Variants in FILIP1 observed in about 807,000 individuals in gnomAD.
The protein encoded by FILIP1 is filamin A interacting protein 1, also known as filamin-A-interacting protein 1.
Under a neutral mutation model 102.1 loss-of-function variants are expected in FILIP1, and 61 were observed. That is an observed-to-expected ratio of 0.60 (90% CI 0.49 to 0.74). FILIP1 has a LOEUF of 0.74. Ranked by LOEUF, FILIP1 falls within the 30% of genes least tolerant of loss-of-function variation. The probability of loss-of-function intolerance (pLI) is 0.00; values close to 1 mark genes in which losing one functional copy is unlikely to be tolerated. For synonymous variants in FILIP1, 491 were observed against 526.9 expected, an observed-to-expected ratio of 0.93 and a Z score of 0.93; for missense variants, 1,314 against 1,441.2, an observed-to-expected ratio of 0.91 and a Z score of 1.43.
At chr6:75,444,020 G>C (rs1778359844) in intron 1 of FILIP1, among the ~76,000 whole-genome samples, 1 of 152,186 alleles carries the variant, frequency 6.6e-6, no homozygotes, top group South Asian at 2.1e-4. Flanking sequence ...TATGCATGTA[G>C]AAAGTACTTA....
intron 1 of FILIP1, among the ~76,000 whole-genome samples, chr6:75,433,571 T>C (rs1777903004): frequency 6.6e-6 from 1 of 152,246 alleles, no homozygotes; most frequent in Non-Finnish European, 1.5e-5. Flanking sequence ...TTCTGGATAT[T>C]AGCCCTTTGT....
intron 1 of FILIP1, among the ~76,000 whole-genome samples, chr6:75,454,160 T>C (rs1778740055): frequency 6.6e-6 from 1 of 152,160 alleles, no homozygotes; most frequent in Non-Finnish European, 1.5e-5. Context: ...GTCTCCAAGA[T>C]CATTCAGGTT....
intron 4 of FILIP1, among the ~76,000 whole-genome samples, chr6:75,349,765 G>GC (rs1311893315): frequency 1.3e-5 from 2 of 152,176 alleles, no homozygotes; most frequent in Non-Finnish European, 2.9e-5. Flanking sequence ...CTCTGGCAGA[G>GC]CCCCAGGGAT....
At chr6:75,347,154 G>A (rs573309872) in intron 4 of FILIP1, among the ~76,000 whole-genome samples, 1 of 152,190 alleles carries the variant, frequency 6.6e-6, no homozygotes, top group Non-Finnish European at 1.5e-5. Context: ...GAAGTTAGGA[G>A]TGCGAAAAGT....
intron 1 of FILIP1, among the ~76,000 whole-genome samples, chr6:75,480,441 C>T (rs1047889619): frequency 6.6e-6 from 1 of 151,694 alleles, no homozygotes; most frequent in African/African-American, 2.4e-5. Context: ...GAGTTGCACT[C>T]TATTGCCCAG....
chr6:75,394,649 C>A (rs899064282), intron 2 of FILIP1, among the ~76,000 whole-genome samples: 1 of 152,058 alleles, frequency 6.6e-6, no homozygotes, highest in African/African-American at 2.4e-5. Context: ...ACAGAAAAAG[C>A]AATACAAATG....
rs192217218 is a variant in FILIP1, at chr6:75,317,032, A to T, written c.630-1830T>A. ...AAGCTTAACATGTTAAAGCTTCTAA[A>T]AATATATTTTTAGGAATACTATGCC... On this transcript the variant is annotated intron_variant, in intron 4 of 5. Transcript: ENST00000237172. Among the ~76,000 whole-genome samples the T allele has an allele frequency of 1.9e-4, 29 of 152,328 alleles. 1 individual carries two copies. Among genetic ancestry groups the T allele is most frequent in the Middle Eastern group, 3.4e-3 (1 of 294 alleles).
At chr6:75,409,837 C>A (rs1582462427) in intron 2 of FILIP1, among the ~76,000 whole-genome samples, 1 of 152,102 alleles carries the variant, frequency 6.6e-6, no homozygotes, top group East Asian at 1.9e-4. Flanking sequence ...TCAACCAGTC[C>A]TATGGCCCCC....
At chr6:75,364,343 C>T (rs1021241745) in intron 2 of FILIP1, among the ~76,000 whole-genome samples, 4 of 152,080 alleles carry the variant, frequency 2.6e-5, no homozygotes, top group Non-Finnish European at 5.9e-5. Context: ...ATCAGAAAAA[C>T]GTGCCCACTT....
intron 1 of FILIP1, among the ~76,000 whole-genome samples, chr6:75,468,646 G>A (rs1438072726): frequency 6.6e-6 from 1 of 152,182 alleles, no homozygotes; most frequent in African/African-American, 2.4e-5. Flanking sequence ...AGACTCAAAT[G>A]CTCCATCATC....
At chr6:75,417,283 C>T (rs1012503429) in intron 1 of FILIP1, among the ~76,000 whole-genome samples, 1 of 152,002 alleles carries the variant, frequency 6.6e-6, no homozygotes, top group African/African-American at 2.4e-5. Context: ...ATTTTTAGTC[C>T]TTTCTCAGTT....
intron 6 of FILIP1, chr6:75,296,858 A>G (rs1362611669): frequency 1.3e-5 from 2 of 152,140 alleles, no homozygotes; most frequent in African/African-American, 2.4e-5. Flanking sequence ...ATTAATATTT[A>G]TATTTATTTG....
chr6:75,302,813 T>TATGAC lies in FILIP1; in HGVS notation c.3493+6026_3493+6027insGTCAT, dbSNP rs1322782896. ...TTTTCAAATAGAGATGATGATATGA[T>TATGAC]ATGATATGACATGATATGATATGAT... On this transcript the variant is annotated intron_variant, in intron 6 of 6. Transcript: ENST00000393004. Among the ~76,000 whole-genome samples the TATGAC allele has an allele frequency of 3.8e-5, 5 of 130,202 alleles. No homozygotes were observed. The Admixed American group carries it at 4.0e-4, about 10-fold the overall frequency. The allele number at this position is 130,202 out of a possible 152,430, so 85.4% of individuals were successfully genotyped here.
At chr6:75,477,608 GA>G (rs1779518579) in intron 1 of FILIP1, among the ~76,000 whole-genome samples, 1 of 151,312 alleles carries the variant, frequency 6.6e-6, no homozygotes, top group Non-Finnish European at 1.5e-5. Context: ...TAGAGAGAAA[GA>G]AAAAAATTCT....
intron 3 of FILIP1, among the ~76,000 whole-genome samples, chr6:75,361,398 G>A (rs921781074): frequency 6.6e-6 from 1 of 152,116 alleles, no homozygotes; most frequent in African/African-American, 2.4e-5. Flanking sequence ...TCTAGCCTTG[G>A]AAGAAAATAA....
chr6:75,419,833 T>C (rs1777394364), intron 1 of FILIP1, among the ~76,000 whole-genome samples: 1 of 152,208 alleles, frequency 6.6e-6, no homozygotes, highest in South Asian at 2.1e-4. Flanking sequence ...ACTCACGAAA[T>C]GTTCAAACAT....
At chr6:75,360,965 T>C (rs920596786) in intron 3 of FILIP1, 98 of 151,958 alleles carry the variant, frequency 6.4e-4, no homozygotes, top group African/African-American at 2.2e-3. Flanking sequence ...ACCCAAAATG[T>C]GTAAGTGGTG....
At chr6:75,486,961 C>T (rs951238256) in intron 1 of FILIP1, among the ~76,000 whole-genome samples, 6 of 151,962 alleles carry the variant, frequency 3.9e-5, no homozygotes, top group Admixed American at 6.6e-5. Flanking sequence ...CAAAAGTTGA[C>T]GGGCCCTGAG....
intron 1 of FILIP1, among the ~76,000 whole-genome samples, chr6:75,449,945 T>C (rs1401748853): frequency 6.6e-6 from 1 of 152,086 alleles, no homozygotes; most frequent in Admixed American, 6.6e-5. Context: ...ACAATTTTCT[T>C]TTTTTAGAGA....
Sources: allele counts gnomAD v4.1 joint callset (sites outside exome capture counted in the v4.1 genomes callset), GRCh38; gene constraint gnomAD v4.1.1; transcripts MANE v1.5; gene names NCBI Gene and HGNC (gene_info 2026-07-23, HGNC 2026-07-21).